The following GREB1L variants were observed in gnomAD, a reference collection of about 807,000 sequenced individuals.
The protein encoded by GREB1L is GREB1-like protein.
In GREB1L, 17 loss-of-function variants were observed where a neutral mutation model predicts 200.8. That is an observed-to-expected ratio of 0.08 (90% CI 0.06 to 0.13). GREB1L has a LOEUF of 0.13. GREB1L is among the 10% of genes least tolerant of loss of function. The probability of loss-of-function intolerance (pLI) is 1.00; values close to 1 mark genes in which losing one functional copy is unlikely to be tolerated. For synonymous variants in GREB1L, 789 were observed against 893.0 expected (o/e 0.88, Z 2.08); for missense variants, 1,657 against 2,367.7 (o/e 0.70, Z 6.23).
intron 12 of GREB1L, 36 bp from the exon 13 acceptor site, chr18:21,450,987 G>A: frequency 2.6e-6 from 4 of 1,545,378 alleles, no homozygotes; most frequent in Non-Finnish European, 3.5e-6. Context: ...CATTTGTTCT[G>A]TTGATGAGTC....
intron 16 of GREB1L, among the ~76,000 whole-genome samples, chr18:21,473,820 C>T (rs550785194): frequency 4.6e-5 from 7 of 152,256 alleles, no homozygotes; most frequent in Non-Finnish European, 8.8e-5. Flanking sequence ...CACAGCTCCT[C>T]GTAGCTGGGG....
chr18:21,487,704 T>C (rs2036178024), intron 18 of GREB1L, among the ~76,000 whole-genome samples: 1 of 152,126 alleles, frequency 6.6e-6, no homozygotes, highest in African/African-American at 2.4e-5. Flanking sequence ...TCTCTTTCTA[T>C]GAAAAGGCAG....
chr18:21,421,097 CAG>C (rs1356090842), intron 7 of GREB1L, among the ~76,000 whole-genome samples: 7 of 152,106 alleles, frequency 4.6e-5, no homozygotes, highest in Non-Finnish European at 1.0e-4. Context: ...AACAGATCAG[CAG>C]TTTCTTGGGG....
intron 10 of GREB1L, among the ~76,000 whole-genome samples, chr18:21,443,863 T>A (rs2034054714): frequency 6.6e-6 from 1 of 152,228 alleles, no homozygotes; most frequent in Non-Finnish European, 1.5e-5. Context: ...TGCCTACACA[T>A]CACGTCATTC....
intron 1 of GREB1L, among the ~76,000 whole-genome samples, chr18:21,295,564 A>T (rs1242462260): frequency 6.6e-6 from 1 of 152,160 alleles, no homozygotes; most frequent in Non-Finnish European, 1.5e-5. Flanking sequence ...TTATTTGCTG[A>T]ATTTCCCTAA....
At chr18:21,353,699 TATGA>T (rs2039466328) in intron 1 of GREB1L, among the ~76,000 whole-genome samples, 1 of 152,214 alleles carries the variant, frequency 6.6e-6, no homozygotes, top group African/African-American at 2.4e-5. Flanking sequence ...TATGGTTTGA[TATGA>T]ATGGGCATGT....
At chr18:21,506,215 G>T (rs1021619525) in intron 25 of GREB1L, among the ~76,000 whole-genome samples, 20 of 152,204 alleles carry the variant, frequency 1.3e-4, no homozygotes, top group African/African-American at 4.3e-4. Flanking sequence ...CCAACATGGT[G>T]AAACCCCGTC....
chr18:21,324,708 G>A (rs751344629), intron 1 of GREB1L, among the ~76,000 whole-genome samples: 3 of 152,216 alleles, frequency 2.0e-5, no homozygotes, highest in Non-Finnish European at 2.9e-5. Flanking sequence ...TGCTGGGGAG[G>A]CTGAGGCAGG....
chr18:21,296,924 G>C (rs1466031646), intron 1 of GREB1L, among the ~76,000 whole-genome samples: 1 of 152,182 alleles, frequency 6.6e-6, no homozygotes, highest in East Asian at 1.9e-4. Context: ...CAGAGTGCTA[G>C]GATTACAGGC....
At chr18:21,358,753 G>A (rs1302820555) in intron 1 of GREB1L, among the ~76,000 whole-genome samples, 1 of 152,228 alleles carries the variant, frequency 6.6e-6, no homozygotes, top group Non-Finnish European at 1.5e-5. Flanking sequence ...CTGCTCAGGT[G>A]ACGGGTGCAC....
In GREB1L at chr18:21,384,304, A is replaced by G; in HGVS notation, c.256A>G (p.Met86Val). 2 of 1,551,222 alleles carry G rather than the reference A, an allele frequency of 1.3e-6. No homozygotes were observed. The highest frequency in any genetic ancestry group is 1.4e-5 in the African/African-American group (1 of 73,160). Residue 86 changes from methionine to valine, a missense_variant, in exon 4 of 33, where the codon ATG becomes GTG. Transcript: ENST00000424526. Reference protein sequence around the residue: ...DFSNNLTVNEMEDDEDDEEMS... With the variant: ...DFSNNLTVNEVEDDEDDEEMS... The stretch of plus-strand genomic sequence containing the variant: ...TTCTAACAATCTAACAGTTAATGAA[A>G]TGGAAGATGATGAAGACGATGAAGA...
At chr18:21,498,031 A>G (rs1346557059) in intron 21 of GREB1L, among the ~76,000 whole-genome samples, 5 of 151,960 alleles carry the variant, frequency 3.3e-5, no homozygotes, top group African/African-American at 4.8e-5. Context: ...CATGTTGGCC[A>G]GGCTGGTCTC....
At chr18:21,369,145 G>A (rs2143700271) in intron 2 of GREB1L, among the ~76,000 whole-genome samples, 1 of 152,218 alleles carries the variant, frequency 6.6e-6, no homozygotes, top group African/African-American at 2.4e-5. Flanking sequence ...ATTGTTTTTT[G>A]CCTCTGGTGT....
chr18:21,515,676 T>G (rs1179452474), intron 29 of GREB1L, 32 bp downstream of exon 29: 1 of 1,436,220 alleles, frequency 7.0e-7, no homozygotes, highest in South Asian at 1.2e-5. Flanking sequence ...CAGGTAATCC[T>G]GGCATCTACT....
At chr18:21,394,109 G>A (rs2040942856) in intron 4 of GREB1L, among the ~76,000 whole-genome samples, 1 of 152,210 alleles carries the variant, frequency 6.6e-6, no homozygotes, top group Admixed American at 6.5e-5. Context: ...CTGGCACTAA[G>A]CAGTCTGAGC....
chr18:21,250,774 T>A (rs933958527), intron 1 of GREB1L, among the ~76,000 whole-genome samples: 2 of 152,230 alleles, frequency 1.3e-5, no homozygotes, highest in Non-Finnish European at 2.9e-5. Context: ...TTGAGAGTTC[T>A]GCCTCTCACC....
chr18:21,502,205 C>T (rs990955794), intron 23 of GREB1L, among the ~76,000 whole-genome samples: 1 of 151,122 alleles, frequency 6.6e-6, no homozygotes, highest in Non-Finnish European at 1.5e-5. Context: ...GAGTTGAGAT[C>T]ACGCCACTGC....
intron 15 of GREB1L, among the ~76,000 whole-genome samples, chr18:21,462,520 G>A (rs2145575703): frequency 6.6e-6 from 1 of 152,306 alleles, no homozygotes. Context: ...CACGATCTTG[G>A]CTCACTGTGA....
chr18:21,434,499 ATGTGTGTGTGTG>A (rs67516917), intron 7 of GREB1L, among the ~76,000 whole-genome samples: 1 of 127,282 alleles, frequency 7.9e-6, no homozygotes. Flanking sequence ...ATATATATAT[ATGTGTGTGTGTG>A]TGTGTGTGTG....
Sources: gnomAD v4.1 joint callset for allele counts (sites outside exome capture counted in the v4.1 genomes callset) on GRCh38, gnomAD v4.1.1 for gene constraint, MANE v1.5 for transcripts, NCBI Gene and HGNC (gene_info 2026-07-23, HGNC 2026-07-21) for gene names.